Variants in SNTG1 observed in about 807,000 individuals in gnomAD.
SNTG1 encodes the protein syntrophin gamma 1.
SNTG1 carries 39 observed loss-of-function variants against 74.7 expected under a neutral mutation model. That is an observed-to-expected ratio of 0.52 (90% CI 0.40 to 0.68). The LOEUF (loss-of-function observed/expected upper bound fraction) is 0.68, where lower values mean the gene tolerates loss of function less well. Among genes scored for constraint, SNTG1 ranks in the 30% least tolerant of loss-of-function variants. SNTG1 has a pLI of 0.00. For synonymous variants in SNTG1, 254 were observed against 217.1 expected, an observed-to-expected ratio of 1.17 and a Z score of -1.49; for missense variants, 685 against 609.5, an observed-to-expected ratio of 1.12 and a Z score of -1.30.
At chr8:49,936,403 T>C (rs963373611) in intron 1 of SNTG1, among the ~76,000 whole-genome samples, 6 of 152,286 alleles carry the variant, frequency 3.9e-5, no homozygotes, top group Middle Eastern at 3.4e-3. Context: ...GGAATCTGAA[T>C]ATAAACAACT....
chr8:50,611,898 C>T (rs575688039), intron 13 of SNTG1, among the ~76,000 whole-genome samples: 1 of 152,262 alleles, frequency 6.6e-6, no homozygotes, highest in African/African-American at 2.4e-5. Context: ...TCCTCCATAG[C>T]TGGGACTACA....
intron 2 of SNTG1, among the ~76,000 whole-genome samples, chr8:50,329,588 C>A (rs2090881724): frequency 6.6e-6 from 1 of 152,046 alleles, no homozygotes; most frequent in Admixed American, 6.6e-5. Context: ...TGTAGTGGCT[C>A]AAATGCAGGG....
chr8:50,205,602 T>C (rs1382773341), intron 2 of SNTG1, among the ~76,000 whole-genome samples: 3 of 152,212 alleles, frequency 2.0e-5, no homozygotes, highest in Admixed American at 6.5e-5. Context: ...TTGGCTTTTG[T>C]TGCAATTGCT....
At chr8:50,658,971 T>A (rs541923164) in intron 15 of SNTG1, among the ~76,000 whole-genome samples, 1 of 151,242 alleles carries the variant, frequency 6.6e-6, no homozygotes, top group South Asian at 2.1e-4. Context: ...TTGAAAGTAG[T>A]CTGAATTTAA....
intron 9 of SNTG1, among the ~76,000 whole-genome samples, chr8:50,528,207 T>A (rs1425681448): frequency 6.6e-6 from 1 of 152,044 alleles, no homozygotes; most frequent in Non-Finnish European, 1.5e-5. Flanking sequence ...CATCCCTTTC[T>A]TTCTCTTGAT....
At chr8:50,027,161 T>G (rs1169930571) in intron 1 of SNTG1, among the ~76,000 whole-genome samples, 1 of 152,226 alleles carries the variant, frequency 6.6e-6, no homozygotes, top group East Asian at 1.9e-4. Context: ...TGAAAGCGGG[T>G]GCTTTGATGG....
chr8:50,254,948 C>CTTT (rs4006072), intron 2 of SNTG1, among the ~76,000 whole-genome samples: 29 of 85,250 alleles, frequency 3.4e-4, no homozygotes, highest in African/African-American at 8.6e-4. Context: ...TTTATTGCCA[C>CTTT]TTTTTTTTTT....
chr8:50,489,130 G>T (rs113292141), intron 8 of SNTG1, among the ~76,000 whole-genome samples: 1 of 152,292 alleles, frequency 6.6e-6, no homozygotes, highest in African/African-American at 2.4e-5. Flanking sequence ...TGACTGCATA[G>T]TATTCCATGG....
At chr8:50,446,573 G>A in intron 5 of SNTG1, among the ~76,000 whole-genome samples, 1 of 152,024 alleles carries the variant, frequency 6.6e-6, no homozygotes, top group Non-Finnish European at 1.5e-5. Flanking sequence ...CAGCTACTTA[G>A]GAGGCTGAGA....
chr8:49,938,603 T>TTTTTTTTTTTTTCTTTTCTTTCTTTC (rs1554524905), intron 1 of SNTG1, among the ~76,000 whole-genome samples: 9 of 74,754 alleles, frequency 1.2e-4, no homozygotes, highest in African/African-American at 3.6e-4. Flanking sequence ...TTTTCTTTTC[T>TTTTTTTTTTTTTCTTTTCTTTCTTTC]TTTCTTTCTT....
intron 17 of SNTG1, among the ~76,000 whole-genome samples, chr8:50,718,194 G>A (rs2095479329): frequency 6.6e-6 from 1 of 152,080 alleles, no homozygotes; most frequent in African/African-American, 2.4e-5. Flanking sequence ...TGTCTAAGTA[G>A]GCACACGGTG....
chr8:50,521,566 G>A (rs1259916878), intron 9 of SNTG1, among the ~76,000 whole-genome samples: 2 of 152,108 alleles, frequency 1.3e-5, no homozygotes, highest in Non-Finnish European at 2.9e-5. Context: ...CCTTGAAATA[G>A]ACAACAATGA....
At chr8:49,997,207 A>G (rs1814309658) in intron 1 of SNTG1, among the ~76,000 whole-genome samples, 1 of 152,100 alleles carries the variant, frequency 6.6e-6, no homozygotes, top group Non-Finnish European at 1.5e-5. Context: ...ATATGCATAC[A>G]ATTGTCTTGG....
chr8:50,148,416 T>C (rs991849906), intron 1 of SNTG1, among the ~76,000 whole-genome samples: 3 of 152,120 alleles, frequency 2.0e-5, no homozygotes, highest in African/African-American at 4.8e-5. Context: ...TGTTTATTAA[T>C]TTTTTTATTA....
chr8:49,994,957 A>C (rs1032286712), intron 1 of SNTG1, among the ~76,000 whole-genome samples: 3 of 152,120 alleles, frequency 2.0e-5, no homozygotes, highest in South Asian at 4.1e-4. Flanking sequence ...AAGTGCTAGG[A>C]AAAAGGTGTA....
chr8:50,028,476 C>G (rs1447872922), intron 1 of SNTG1, among the ~76,000 whole-genome samples: 3 of 151,722 alleles, frequency 2.0e-5, no homozygotes, highest in African/African-American at 7.3e-5. Context: ...AAATGGCCAG[C>G]TGTGCCATTG....
chr8:50,565,556 G>T (rs79321036), intron 12 of SNTG1, among the ~76,000 whole-genome samples: 5,114 of 152,060 alleles, frequency 0.034, 138 homozygotes, highest in African/African-American at 0.064. Flanking sequence ...TAACAAACTT[G>T]TGAGATGCTT....
intron 13 of SNTG1, among the ~76,000 whole-genome samples, chr8:50,649,625 A>G (rs1177028491): frequency 6.6e-6 from 1 of 152,214 alleles, no homozygotes; most frequent in Admixed American, 6.5e-5. Flanking sequence ...AACACAGGAT[A>G]TACAACAGTG....
intron 2 of SNTG1, among the ~76,000 whole-genome samples, chr8:50,283,695 C>T (rs181060865): frequency 1.9e-3 from 283 of 152,136 alleles, no homozygotes; most frequent in African/African-American, 6.6e-3. Flanking sequence ...ATTACCTGGC[C>T]AAATCATTTC....
Sources: allele counts gnomAD v4.1 joint callset (sites outside exome capture counted in the v4.1 genomes callset), GRCh38; gene constraint gnomAD v4.1.1; transcripts MANE v1.5; gene names NCBI Gene and HGNC (gene_info 2026-07-23, HGNC 2026-07-21).